KIAA1549: variants seen among roughly 807,000 people sequenced by gnomAD.
KIAA1549 encodes KIAA1549.
Under a neutral mutation model 156.4 loss-of-function variants are expected in KIAA1549, and 70 were observed. The ratio of observed to expected loss-of-function variants is 0.45; its 90% CI spans 0.37 to 0.55. The LOEUF is 0.55. Among genes scored for constraint, KIAA1549 ranks in the 20% least tolerant of loss-of-function variants. KIAA1549 has a pLI of 0.00. For synonymous variants in KIAA1549, 1,103 were observed against 1,066.4 expected (o/e 1.03, Z -0.67); for missense variants, 2,428 against 2,540.9 (o/e 0.96, Z 0.96).
In KIAA1549 at chr7:138,918,634, T is replaced by C; in HGVS notation, c.992A>G (p.Gln331Arg). 6.2e-7 allele frequency: 1 copy of C among 1,613,898 alleles called. No homozygotes were observed. The highest frequency in any genetic ancestry group is 1.1e-5 in the South Asian group (1 of 91,090). ...TGGAGAGATGGTTTCTTCTAGGCTT[T>C]GACTCAACACAGTGGTCACATCAGT... The part of the protein sequence containing the change: ...RYTDVTTVLS[Q>R]SLEETISPRT... Residue 331 changes from glutamine (Q) to arginine (R), a missense_variant, in exon 2 of 20, where the codon CAA becomes CGA. Physicochemically the swap from Gln to Arg is conservative, Grantham distance 43 (BLOSUM62 1). Coordinates refer to ENST00000422774, the MANE Select transcript of KIAA1549 (RefSeq NM_001164665.2). This position sits in a 1 kb window ranked among gnomAD's most constrained non-coding sequence, Gnocchi z 4.2.
intron 18 of KIAA1549, among the ~76,000 whole-genome samples, chr7:138,844,102 T>G (rs1163732650): frequency 2.0e-5 from 3 of 152,154 alleles, no homozygotes; most frequent in Non-Finnish European, 4.4e-5. Flanking sequence ...GAATTTCACA[T>G]GAAGGGCCTG....
At chr7:138,851,153 C>T (rs139240394) in intron 17 of KIAA1549, among the ~76,000 whole-genome samples, 38 of 152,072 alleles carry the variant, frequency 2.5e-4, no homozygotes, top group African/African-American at 8.7e-4. Flanking sequence ...AATTGAAATA[C>T]CTAGTTATTA....
At chr7:138,905,285 G>A (rs1406036813) in intron 6 of KIAA1549, among the ~76,000 whole-genome samples, 1 of 152,144 alleles carries the variant, frequency 6.6e-6, no homozygotes, top group African/African-American at 2.4e-5. Flanking sequence ...AGAAAAGAAG[G>A]GCCGCTCCAG....
In KIAA1549 at chr7:138,918,271, C is replaced by A. The variant is rs777046519; in HGVS notation, c.1355G>T (p.Cys452Phe). The change falls in exon 2 of 20, where the codon TGC becomes TTC. Residue 452 changes from cysteine to phenylalanine, a missense_variant. Transcript: ENST00000422774. The surrounding 1 kb of genome is among the most constrained non-coding windows in gnomAD (Gnocchi z 4.2). The stretch of plus-strand genomic sequence containing the variant: ...GCTGCTTTCTTCCAGCACGGTCATG[C>A]ACAGAGTCTCGGCACCATCCCCTGA... ...VGSGDGAETL[C>F]MTVLEESSIS... 1 of 1,614,024 alleles carries A rather than the reference C, an allele frequency of 6.2e-7. No homozygotes were observed. The highest frequency in any genetic ancestry group is 1.7e-5 in the Admixed American group (1 of 60,028).
At chr7:138,860,307 T>C (rs1810535432) in intron 16 of KIAA1549, among the ~76,000 whole-genome samples, 1 of 152,136 alleles carries the variant, frequency 6.6e-6, no homozygotes, top group South Asian at 2.1e-4. Flanking sequence ...AAGGAGACAA[T>C]CTCTTGCTGA....
At chr7:138,847,788 T>C (rs1223580983) in intron 17 of KIAA1549, among the ~76,000 whole-genome samples, 1 of 152,220 alleles carries the variant, frequency 6.6e-6, no homozygotes, top group African/African-American at 2.4e-5. Context: ...AAGGAATTAC[T>C]GGGATTCTGA....
Position 138,852,219 on chromosome 7 carries a change from T to C in KIAA1549, c.5294+4A>G, listed in dbSNP as rs1159635854. On this transcript the variant is annotated splice_donor_region_variant and intron_variant, in intron 17 of 19. Coordinates refer to ENST00000422774, the MANE Select transcript of KIAA1549 (RefSeq NM_001164665.2). The stretch of plus-strand genomic sequence containing the variant: ...GATAATACATTTTGTTTTGAAAACC[T>C]TACCTTGGCAATGGACCCGTCGGGG... 2 of 1,607,372 alleles carry C rather than the reference T, an allele frequency of 1.2e-6. No individual in the cohort carries two copies. The highest frequency in any genetic ancestry group is 1.7e-6 in the Non-Finnish European group (2 of 1,175,200).
At chr7:138,882,974 G>A (rs1811284905) in intron 10 of KIAA1549, among the ~76,000 whole-genome samples, 1 of 151,574 alleles carries the variant, frequency 6.6e-6, no homozygotes, top group Non-Finnish European at 1.5e-5. Context: ...TTTGTTGGCT[G>A]GGCACGGTGG....
chr7:138,852,391 A>G (rs2130349989), intron 16 of KIAA1549, 122 bp from the exon 17 acceptor site: 1 of 692,568 alleles, frequency 1.4e-6, no homozygotes, highest in East Asian at 3.0e-5. Flanking sequence ...TCTCATTAAA[A>G]CTTAGCATGT....
At chr7:138,844,945 C>T (rs1810032506) in intron 17 of KIAA1549, among the ~76,000 whole-genome samples, 1 of 151,988 alleles carries the variant, frequency 6.6e-6, no homozygotes. Context: ...TCTTGGCTCA[C>T]TGCAAGCTCC....
chr7:138,845,704 A>G (rs1032419399), intron 17 of KIAA1549, among the ~76,000 whole-genome samples: 1 of 151,982 alleles, frequency 6.6e-6, no homozygotes, highest in Non-Finnish European at 1.5e-5. Context: ...CATTAATCTC[A>G]TCATCAAACT....
chr7:138,980,210 G>A (rs1210860569), intron 1 of KIAA1549, among the ~76,000 whole-genome samples: 1 of 152,228 alleles, frequency 6.6e-6, no homozygotes, highest in Non-Finnish European at 1.5e-5. Flanking sequence ...GTGGTCAAGT[G>A]CCTGTGCAGG....
chr7:138,915,584 G>A (rs1259464552), intron 2 of KIAA1549, among the ~76,000 whole-genome samples: 1 of 151,890 alleles, frequency 6.6e-6, no homozygotes, highest in Non-Finnish European at 1.5e-5. Context: ...ACAGTGAGCA[G>A]AGGCTCCCAG....
At chr7:138,913,918 T>A in intron 2 of KIAA1549, among the ~76,000 whole-genome samples, 1 of 138,820 alleles carries the variant, frequency 7.2e-6, no homozygotes, top group Non-Finnish European at 1.5e-5. Context: ...GAGGGAGAAA[T>A]GAGGAAAGAG....
chr7:138,863,086 T>TA (rs1810635211), intron 15 of KIAA1549, among the ~76,000 whole-genome samples: 1 of 152,168 alleles, frequency 6.6e-6, no homozygotes, highest in South Asian at 2.1e-4. Context: ...GGTAAACTGT[T>TA]AAGAGACAAA....
intron 16 of KIAA1549, among the ~76,000 whole-genome samples, chr7:138,859,457 A>T (rs1187979234): frequency 6.6e-6 from 1 of 152,076 alleles, no homozygotes; most frequent in Admixed American, 6.5e-5. Flanking sequence ...TCTTTTGGGT[A>T]GTTTCTGTGT....
At chr7:138,957,350 C>G (rs760329174) in intron 1 of KIAA1549, among the ~76,000 whole-genome samples, 2 of 152,102 alleles carry the variant, frequency 1.3e-5, no homozygotes, top group African/African-American at 4.8e-5. Context: ...GGAACTGAGC[C>G]GAGGGCCCAG....
chr7:138,969,309 C>T (rs1219217544), intron 1 of KIAA1549, among the ~76,000 whole-genome samples: 1 of 152,196 alleles, frequency 6.6e-6, no homozygotes, highest in Admixed American at 6.5e-5. Context: ...CTCCCAGGCC[C>T]TTGCCATCCT....
chr7:138,916,926 CAG>C lies in KIAA1549; in HGVS notation c.2698_2699del (p.Leu900AspfsTer3). ...GGCTCTGACTTGCGGCGTCACCCAT[CAG>C]GGTGGAGTCGAGGGGACCACCAGTG... is the stretch of plus-strand genomic sequence containing the variant. ...AATGGPLDST[L>X]MGDAASQSPP... On this transcript the variant is annotated frameshift_variant, in exon 2 of 20. Coordinates refer to ENST00000422774, the MANE Select transcript of KIAA1549 (RefSeq NM_001164665.2). LOFTEE classifies it high-confidence loss of function. 1 of 1,612,102 alleles carries C rather than the reference CAG, an allele frequency of 6.2e-7. No individual in the cohort carries two copies. The highest frequency in any genetic ancestry group is 8.5e-7 in the Non-Finnish European group (1 of 1,178,940).
Sources: allele counts gnomAD v4.1 joint callset (sites outside exome capture counted in the v4.1 genomes callset), GRCh38; gene constraint gnomAD v4.1.1; non-coding constraint Gnocchi (gnomAD v3.1); transcripts MANE v1.5; gene names NCBI Gene and HGNC (gene_info 2026-07-23, HGNC 2026-07-21).